The following MACROD2 variants were observed in gnomAD, a reference collection of about 807,000 sequenced individuals.
MACROD2 encodes the protein mono-ADP ribosylhydrolase 2.
Under a neutral mutation model 70.4 loss-of-function variants are expected in MACROD2, and 36 were observed. That is an observed-to-expected ratio of 0.51 (90% CI 0.39 to 0.68). MACROD2 has a LOEUF of 0.68. MACROD2 is among the 30% of genes least tolerant of loss of function. MACROD2 has a pLI of 0.00. For missense variants in MACROD2, 496 were observed against 538.4 expected (o/e 0.92, Z 0.78); for synonymous variants, 172 against 178.8 (o/e 0.96, Z 0.30).
At chr20:15,466,902 C>T (rs890861694) in intron 7 of MACROD2, among the ~76,000 whole-genome samples, 1 of 152,176 alleles carries the variant, frequency 6.6e-6, no homozygotes, top group African/African-American at 2.4e-5. Flanking sequence ...TGAGGAGGAA[C>T]ATTCCTTAGA....
intron 3 of MACROD2, among the ~76,000 whole-genome samples, chr20:14,119,219 G>T (rs1444080161): frequency 7.4e-6 from 1 of 134,376 alleles, no homozygotes; most frequent in African/African-American, 2.8e-5. Context: ...CTGGGCCGGA[G>T]TTCAGTAATG....
At chr20:15,692,434 T>C (rs943892103) in intron 8 of MACROD2, among the ~76,000 whole-genome samples, 4 of 151,772 alleles carry the variant, frequency 2.6e-5, no homozygotes, top group Admixed American at 2.0e-4. Flanking sequence ...TATTCCAGGG[T>C]TGAGGGGGAA....
intron 7 of MACROD2, among the ~76,000 whole-genome samples, chr20:15,439,962 C>T (rs1438515138): frequency 6.6e-6 from 1 of 152,118 alleles, no homozygotes; most frequent in East Asian, 1.9e-4. Context: ...CTGAACCTCC[C>T]TGATGGACAT....
intron 8 of MACROD2, among the ~76,000 whole-genome samples, chr20:15,653,742 G>A (rs964458777): frequency 3.3e-5 from 5 of 152,010 alleles, no homozygotes; most frequent in African/African-American, 1.2e-4. Flanking sequence ...CTGGGTTGTT[G>A]GGATATAAAC....
At chr20:15,913,092 A>G (rs1448163209) in intron 10 of MACROD2, among the ~76,000 whole-genome samples, 1 of 152,166 alleles carries the variant, frequency 6.6e-6, no homozygotes, top group East Asian at 1.9e-4. Context: ...ATGTATTATT[A>G]AAAAAACCAT....
intron 6 of MACROD2, among the ~76,000 whole-genome samples, chr20:15,404,692 A>G (rs2045974041): frequency 6.6e-6 from 1 of 152,150 alleles, no homozygotes; most frequent in Non-Finnish European, 1.5e-5. Flanking sequence ...CTGACCAAAG[A>G]CTTTCACTTA....
chr20:15,727,776 G>T (rs2050886518), intron 8 of MACROD2, among the ~76,000 whole-genome samples: 1 of 151,964 alleles, frequency 6.6e-6, no homozygotes, highest in African/African-American at 2.4e-5. Context: ...ACTGATTTTT[G>T]TACTTTAAAA....
intron 5 of MACROD2, among the ~76,000 whole-genome samples, chr20:15,048,330 A>G (rs2075411868): frequency 6.6e-6 from 1 of 152,102 alleles, no homozygotes; most frequent in African/African-American, 2.4e-5. Context: ...AGCCACTGAT[A>G]TGTAAAGGAG....
At chr20:15,480,242 A>G (rs1350201861) in intron 7 of MACROD2, among the ~76,000 whole-genome samples, 1 of 151,902 alleles carries the variant, frequency 6.6e-6, no homozygotes. Flanking sequence ...CATAATTAAG[A>G]CTCTAAACAC....
At chr20:14,221,575 CA>C (rs1471685826) in intron 3 of MACROD2, among the ~76,000 whole-genome samples, 1 of 152,074 alleles carries the variant, frequency 6.6e-6, no homozygotes, top group Non-Finnish European at 1.5e-5. Flanking sequence ...TTGCTGTAGG[CA>C]AGGAACTCAT....
At chr20:14,196,314 G>A (rs1423489651) in intron 3 of MACROD2, among the ~76,000 whole-genome samples, 1 of 152,158 alleles carries the variant, frequency 6.6e-6, no homozygotes, top group Non-Finnish European at 1.5e-5. Flanking sequence ...GCAAATCCGT[G>A]TTGTGATGCA....
intron 5 of MACROD2, among the ~76,000 whole-genome samples, chr20:15,028,386 C>T (rs551747480): frequency 6.6e-6 from 1 of 152,314 alleles, no homozygotes; most frequent in African/African-American, 2.4e-5. Context: ...TGGGATTAGA[C>T]ACCCAAATCT....
chr20:14,986,401 A>T (rs1224061726), intron 5 of MACROD2, among the ~76,000 whole-genome samples: 2 of 152,100 alleles, frequency 1.3e-5, no homozygotes, highest in African/African-American at 4.8e-5. Flanking sequence ...GTGGGAAATG[A>T]CCTTCAGTTC....
rs369563239 is a variant in MACROD2, at chr20:15,642,787, A to G, written c.645+142940A>G. On this transcript the variant is annotated intron_variant, in intron 8 of 17. Coordinates refer to ENST00000684519, the MANE Select transcript of MACROD2 (RefSeq NM_001351661.2). The stretch of plus-strand genomic sequence containing the variant: ...TTTGTGTGTGTGTATGTGTGTGTGT[A>G]TGTGTGCACACTCTGCTCTGCCTTC... Among the ~76,000 whole-genome samples the G allele has an allele frequency of 5.0e-4, 76 of 151,772 alleles. 1 individual carries two copies. The South Asian group carries it at 0.015, about 29-fold the overall frequency.
intron 6 of MACROD2, among the ~76,000 whole-genome samples, chr20:15,338,293 C>G (rs1337569671): frequency 6.6e-6 from 1 of 151,596 alleles, no homozygotes; most frequent in Non-Finnish European, 1.5e-5. Context: ...CCTCATCCAG[C>G]TTTTCACCCA....
chr20:14,042,219 G>C (rs566404570), intron 2 of MACROD2, among the ~76,000 whole-genome samples: 2 of 152,274 alleles, frequency 1.3e-5, no homozygotes, highest in South Asian at 2.1e-4. Flanking sequence ...AGAATCCAGA[G>C]TACTAAGTTG....
At position 14,482,073 on chromosome 20, in the gene MACROD2, A is replaced by G. The variant is rs577706533; in HGVS notation, c.272-11406A>G. ...GAATCATACAAGAGCTCATTTTATG[A>G]TTTTTATAAGCTGGTCACGTCATGA... On this transcript the variant is annotated intron_variant, in intron 3 of 17. Transcript: ENST00000684519. 4.6e-5 allele frequency among the ~76,000 whole-genome samples: 7 copies of G among 152,324 alleles called. No individual in the cohort carries two copies. In the East Asian group the frequency reaches 1.4e-3, roughly 29 times the overall value.
At chr20:15,754,368 A>G (rs1183379654) in intron 8 of MACROD2, among the ~76,000 whole-genome samples, 14 of 152,222 alleles carry the variant, frequency 9.2e-5, no homozygotes, top group Non-Finnish European at 1.5e-5. Context: ...CACGCCCGTA[A>G]TCTCAGCACT....
chr20:15,595,791 T>C (rs2048738733), intron 8 of MACROD2, among the ~76,000 whole-genome samples: 1 of 152,208 alleles, frequency 6.6e-6, no homozygotes, highest in Admixed American at 6.5e-5. Flanking sequence ...CTATCTGTGA[T>C]GTGTGTAAAT....
Sources: gnomAD v4.1 joint callset for allele counts (sites outside exome capture counted in the v4.1 genomes callset) on GRCh38, gnomAD v4.1.1 for gene constraint, MANE v1.5 for transcripts, NCBI Gene and HGNC (gene_info 2026-07-23, HGNC 2026-07-21) for gene names.